XRCC4: variants seen among roughly 807,000 people sequenced by gnomAD.
XRCC4 encodes X-ray repair cross complementing 4, also known as DNA repair protein XRCC4.
A neutral mutation model predicts 39.1 loss-of-function variants in XRCC4; 28 were observed. The observed-to-expected ratio is 0.72, with a 90% CI of 0.53 to 0.98. XRCC4 has a LOEUF of 0.98. Ranked by LOEUF, XRCC4 falls within the 50% of genes least tolerant of loss-of-function variation. The probability of loss-of-function intolerance (pLI) is 0.00; values close to 1 mark genes in which losing one functional copy is unlikely to be tolerated. For synonymous variants in XRCC4, 123 were observed against 126.4 expected, an observed-to-expected ratio of 0.97 and a Z score of 0.18; for missense variants, 350 against 376.4, an observed-to-expected ratio of 0.93 and a Z score of 0.58.
chr5:83,349,654 A>G (rs1039310117), intron 7 of XRCC4, among the ~76,000 whole-genome samples: 1 of 152,208 alleles, frequency 6.6e-6, no homozygotes, highest in Non-Finnish European at 1.5e-5. Flanking sequence ...TCCTTTGGTC[A>G]TATGCTGATT....
chr5:83,168,595 A>G (rs941877189), intron 3 of XRCC4, among the ~76,000 whole-genome samples: 1 of 152,168 alleles, frequency 6.6e-6, no homozygotes, highest in Non-Finnish European at 1.5e-5. Flanking sequence ...GCATACTAAA[A>G]CATGACAAAA....
chr5:83,333,047 C>A (rs1181918737), intron 7 of XRCC4, among the ~76,000 whole-genome samples: 1 of 151,932 alleles, frequency 6.6e-6, no homozygotes, highest in Non-Finnish European at 1.5e-5. Flanking sequence ...TACTTGTGGA[C>A]AGCTGTTACT....
the XRCC4 span, among the ~76,000 whole-genome samples, chr5:83,359,326 A>T: frequency 6.6e-6 from 1 of 152,252 alleles, no homozygotes; most frequent in South Asian, 2.1e-4. Context: ...CATGCTTTAT[A>T]CCACATGACC....
intron 3 of XRCC4, among the ~76,000 whole-genome samples, chr5:83,156,925 T>G (rs574310604): frequency 3.9e-5 from 6 of 152,024 alleles, no homozygotes; most frequent in Non-Finnish European, 7.4e-5. Context: ...AAAACAGTGC[T>G]GAAACCATGA....
intron 7 of XRCC4, among the ~76,000 whole-genome samples, chr5:83,279,119 C>T (rs868257988): frequency 1.4e-5 from 2 of 144,348 alleles, no homozygotes; most frequent in South Asian, 2.1e-4. Context: ...ATATCTATAT[C>T]AGTTTGAAAC....
At chr5:83,231,598 T>C (rs1458296540) in intron 6 of XRCC4, among the ~76,000 whole-genome samples, 1 of 152,106 alleles carries the variant, frequency 6.6e-6, no homozygotes, top group African/African-American at 2.4e-5. Context: ...CTTATCGTTA[T>C]TATCTGGCAT....
chr5:83,115,653 C>T (rs1309441719), intron 3 of XRCC4, among the ~76,000 whole-genome samples: 1 of 152,126 alleles, frequency 6.6e-6, no homozygotes, highest in East Asian at 1.9e-4. Context: ...TTTTTGCTTA[C>T]CACCCTGAAA....
chr5:83,305,449 T>C (rs1755446804), intron 7 of XRCC4, among the ~76,000 whole-genome samples: 1 of 152,132 alleles, frequency 6.6e-6, no homozygotes, highest in Non-Finnish European at 1.5e-5. Context: ...CTTTAAGATG[T>C]ATAATTTAAA....
intron 3 of XRCC4, among the ~76,000 whole-genome samples, chr5:83,163,692 C>T (rs1233101081): frequency 1.3e-5 from 2 of 152,110 alleles, no homozygotes; most frequent in Non-Finnish European, 2.9e-5. Flanking sequence ...AATTTTGCAC[C>T]ACTGATTCTT....
At chr5:83,131,972 G>A (rs1297431177) in intron 3 of XRCC4, among the ~76,000 whole-genome samples, 1 of 152,094 alleles carries the variant, frequency 6.6e-6, no homozygotes, top group Admixed American at 6.6e-5. Context: ...TTTCTTCTTA[G>A]CATCGATGGT....
intron 3 of XRCC4, among the ~76,000 whole-genome samples, chr5:83,128,448 C>A (rs1580260206): frequency 2.0e-5 from 3 of 152,226 alleles, no homozygotes; most frequent in African/African-American, 7.2e-5. Context: ...GTGCATGTGT[C>A]TTTATAGCAG....
chr5:83,197,790 G>T lies in XRCC4; in HGVS notation c.482+1854G>T, dbSNP rs10069911. Among the ~76,000 whole-genome samples the T allele has an allele frequency of 3.1e-3, 471 of 152,238 alleles. 2 individuals carry two copies. Among genetic ancestry groups the T allele is most frequent in the African/African-American group, 0.011 (449 of 41,540 alleles). ...AGTACTGTGTCAGATGTCTTCTTCA[G>T]GGTCTATAGATGTGTGCCAGTGGGT... On this transcript the variant is annotated intron_variant, in intron 4 of 7. Coordinates refer to ENST00000396027, the MANE Select transcript of XRCC4 (RefSeq NM_003401.5).
intron 3 of XRCC4, among the ~76,000 whole-genome samples, chr5:83,138,556 A>G (rs1268582666): frequency 6.7e-6 from 1 of 148,236 alleles, no homozygotes; most frequent in Non-Finnish European, 1.5e-5. Context: ...AGCAAAGTAT[A>G]TTAGCAAAAC....
At chr5:83,369,922 T>C in the XRCC4 span, among the ~76,000 whole-genome samples, 3 of 152,214 alleles carry the variant, frequency 2.0e-5, no homozygotes, top group African/African-American at 7.2e-5. Flanking sequence ...TGTTATTTCT[T>C]GATGTTTTAA....
chr5:83,099,364 A>G (rs895641284), intron 1 of XRCC4, among the ~76,000 whole-genome samples: 6 of 152,218 alleles, frequency 3.9e-5, no homozygotes, highest in Non-Finnish European at 8.8e-5. Context: ...GGTGTTATCA[A>G]TGATATAGTG....
intron 7 of XRCC4, among the ~76,000 whole-genome samples, chr5:83,336,820 A>C (rs980290448): frequency 2.0e-5 from 3 of 152,144 alleles, no homozygotes; most frequent in Admixed American, 2.0e-4. Context: ...CTTCCCAATC[A>C]TTCCAGTAGG....
At chr5:83,078,228 AGGTG>A (rs570859832) in intron 1 of XRCC4, among the ~76,000 whole-genome samples, 244 of 152,364 alleles carry the variant, frequency 1.6e-3, no homozygotes, top group African/African-American at 5.7e-3. Context: ...TTATCCCATT[AGGTG>A]AGGTTCTACT....
chr5:83,250,619 G>T (rs1200817958), intron 6 of XRCC4, among the ~76,000 whole-genome samples: 2 of 152,166 alleles, frequency 1.3e-5, no homozygotes, highest in South Asian at 2.1e-4. Flanking sequence ...CAAAAAGGTG[G>T]TTGTATAGTT....
At chr5:83,205,122 G>C (rs1751369054) in intron 6 of XRCC4, among the ~76,000 whole-genome samples, 1 of 152,164 alleles carries the variant, frequency 6.6e-6, no homozygotes, top group African/African-American at 2.4e-5. Context: ...TAGCACAGCA[G>C]TGTGAGCAAG....
Sources: allele counts gnomAD v4.1 joint callset (sites outside exome capture counted in the v4.1 genomes callset), GRCh38; gene constraint gnomAD v4.1.1; transcripts MANE v1.5; gene names NCBI Gene and HGNC (gene_info 2026-07-23, HGNC 2026-07-21).